The following CEP128 variants were observed in gnomAD, a reference collection of about 807,000 sequenced individuals.
CEP128 encodes centrosomal protein 128.
CEP128 carries 132 observed loss-of-function variants against 156.7 expected under a neutral mutation model. The observed-to-expected ratio is 0.84, with a 90% CI of 0.73 to 0.97. The LOEUF is 0.97. CEP128 is among the 50% of genes least tolerant of loss of function. CEP128 has a pLI of 0.00. For missense variants in CEP128, 1,252 were observed against 1,281.9 expected, an observed-to-expected ratio of 0.98 and a Z score of 0.36; for synonymous variants, 469 against 448.9, an observed-to-expected ratio of 1.04 and a Z score of -0.57.
chr14:80,793,899 G>C (rs892949478), intron 13 of CEP128, among the ~76,000 whole-genome samples: 1 of 152,104 alleles, frequency 6.6e-6, no homozygotes, highest in Non-Finnish European at 1.5e-5. Flanking sequence ...ATTGTTTTAT[G>C]CAAGTTTATA....
chr14:80,910,197 C>T (rs1884127370), intron 4 of CEP128, among the ~76,000 whole-genome samples: 1 of 152,198 alleles, frequency 6.6e-6, no homozygotes, highest in Non-Finnish European at 1.5e-5. Flanking sequence ...TCTTTTACCT[C>T]TGTTCTTTTG....
intron 8 of CEP128, among the ~76,000 whole-genome samples, chr14:80,888,099 T>C (rs1236532116): frequency 6.6e-6 from 1 of 152,104 alleles, no homozygotes; most frequent in East Asian, 1.9e-4. Context: ...AATCCCTGAA[T>C]AGACCAATAA....
chr14:80,865,782 T>C (rs923566102), intron 8 of CEP128, among the ~76,000 whole-genome samples: 4 of 152,098 alleles, frequency 2.6e-5, no homozygotes, highest in African/African-American at 9.7e-5. Context: ...AGACGCCACA[T>C]GTCAAAGAAA....
intron 19 of CEP128, among the ~76,000 whole-genome samples, chr14:80,739,294 C>T (rs1458809580): frequency 6.6e-6 from 1 of 152,126 alleles, no homozygotes; most frequent in Non-Finnish European, 1.5e-5. Context: ...AAAACCACTA[C>T]AAAAATTATT....
chr14:80,711,327 G>C (rs1897397906), intron 19 of CEP128, among the ~76,000 whole-genome samples: 1 of 151,614 alleles, frequency 6.6e-6, no homozygotes, highest in South Asian at 2.1e-4. Context: ...GTGTGTGTGT[G>C]TGTGTGTCTA....
At chr14:80,677,503 C>T (rs1183382822) in intron 19 of CEP128, among the ~76,000 whole-genome samples, 11 of 20,520 alleles carry the variant, frequency 5.4e-4, no homozygotes, top group East Asian at 0.038. Context: ...AGCAAGACTC[C>T]GTCTCAAAAA....
chr14:80,851,782 A>T (rs768368276), intron 9 of CEP128, among the ~76,000 whole-genome samples: 2 of 152,090 alleles, frequency 1.3e-5, no homozygotes, highest in Admixed American at 1.3e-4. Flanking sequence ...TGTAAGAAAC[A>T]TGGAAAAATG....
chr14:80,662,168 T>C (rs1444560691), intron 19 of CEP128, among the ~76,000 whole-genome samples: 1 of 152,158 alleles, frequency 6.6e-6, no homozygotes, highest in Non-Finnish European at 1.5e-5. Context: ...AAAATGGGTA[T>C]GTACATCATT....
chr14:80,772,426 C>A (rs554839241), intron 16 of CEP128, among the ~76,000 whole-genome samples: 52 of 152,234 alleles, frequency 3.4e-4, no homozygotes, highest in African/African-American at 1.2e-3. Flanking sequence ...CTCCATCCCC[C>A]CTCCAGCTCC....
intron 19 of CEP128, among the ~76,000 whole-genome samples, chr14:80,733,887 TAGGC>T (rs1212765429): frequency 6.6e-6 from 1 of 152,192 alleles, no homozygotes; most frequent in Non-Finnish European, 1.5e-5. Context: ...AAAGGTACAC[TAGGC>T]ATCTGAAAAT....
chr14:80,715,048 C>T (rs143315548), intron 19 of CEP128, among the ~76,000 whole-genome samples: 2 of 152,058 alleles, frequency 1.3e-5, no homozygotes, highest in Non-Finnish European at 2.9e-5. Flanking sequence ...CATGGTGAAA[C>T]TCCACATCTG....
intron 14 of CEP128, 86 bp from the exon 15 acceptor site, chr14:80,785,631 G>T: frequency 9.5e-6 from 9 of 950,868 alleles, no homozygotes; most frequent in South Asian, 2.2e-5. Context: ...GCAAAACAAT[G>T]TTTAACCCAC....
chr14:80,751,894 G>A (rs1899417187), intron 18 of CEP128, among the ~76,000 whole-genome samples: 1 of 152,142 alleles, frequency 6.6e-6, no homozygotes, highest in Non-Finnish European at 1.5e-5. Context: ...GCCTCTCAAA[G>A]TGCTGGGATT....
chr14:80,895,553 C>T (rs540250377), intron 8 of CEP128, among the ~76,000 whole-genome samples, 165 bp downstream of exon 8: 1 of 151,804 alleles, frequency 6.6e-6, no homozygotes, highest in South Asian at 2.1e-4. Flanking sequence ...AATATAAGTA[C>T]CCAAAATTCA....
intron 11 of CEP128, among the ~76,000 whole-genome samples, chr14:80,837,985 C>A (rs1399103921): frequency 6.6e-6 from 1 of 152,202 alleles, no homozygotes; most frequent in African/African-American, 2.4e-5. Flanking sequence ...CAGCAAGATA[C>A]ACCATCACAG....
At chr14:80,600,601 T>C (rs1892539585) in intron 19 of CEP128, among the ~76,000 whole-genome samples, 1 of 152,100 alleles carries the variant, frequency 6.6e-6, no homozygotes, top group South Asian at 2.1e-4. Context: ...CAGTAGACAA[T>C]AAGTCAAGTC....
chr14:80,831,192 C>T lies in CEP128; in HGVS notation c.1160G>A (p.Cys387Tyr), dbSNP rs142727794. The T allele has an allele frequency of 1.9e-6, 3 of 1,613,914 alleles. No individual in the cohort carries two copies. Among genetic ancestry groups the T allele is most frequent in the African/African-American group, 2.7e-5 (2 of 74,912 alleles). Residue 387 changes from cysteine (C) to tyrosine (Y), a missense_variant, in exon 13 of 25, where the codon TGC becomes TAC. Cys to Tyr is a radical substitution (Grantham distance 194). Transcript: ENST00000555265. Reference protein sequence around the residue: ...MASELEEVKRCMERKDKEKAH... With the variant: ...MASELEEVKRYMERKDKEKAH... Reference sequence around the variant, plus strand: ...TTTCTCCTTGTCTTTTCTCTCCATGCACCGTTTCACTTCCTCTAACTCAGA... The same window carrying T: ...TTTCTCCTTGTCTTTTCTCTCCATGTACCGTTTCACTTCCTCTAACTCAGA...
At chr14:80,566,779 C>T (rs950999095) in intron 20 of CEP128, among the ~76,000 whole-genome samples, 2 of 151,844 alleles carry the variant, frequency 1.3e-5, no homozygotes, top group Admixed American at 6.6e-5. Context: ...TCTGTTCATT[C>T]ATTTCACTGG....
intron 15 of CEP128, among the ~76,000 whole-genome samples, chr14:80,783,525 T>C (rs1216211409): frequency 6.6e-6 from 1 of 152,236 alleles, no homozygotes; most frequent in African/African-American, 2.4e-5. Context: ...GCACAAAATG[T>C]TGAAAAACTG....
Sources: allele counts gnomAD v4.1 joint callset (sites outside exome capture counted in the v4.1 genomes callset), GRCh38; gene constraint gnomAD v4.1.1; transcripts MANE v1.5; gene names NCBI Gene and HGNC (gene_info 2026-07-23, HGNC 2026-07-21).